The following LDLRAD4 variants were observed in gnomAD, a reference collection of about 807,000 sequenced individuals.
The protein encoded by LDLRAD4 is low-density lipoprotein receptor class A domain-containing protein 4.
A neutral mutation model predicts 17.0 loss-of-function variants in LDLRAD4; 5 were observed. The observed-to-expected ratio is 0.29, with a 90% CI of 0.15 to 0.62. LDLRAD4 has a LOEUF of 0.62. Ranked by LOEUF, LDLRAD4 falls within the 20% of genes least tolerant of loss-of-function variation. The pLI, the probability that LDLRAD4 is intolerant of heterozygous loss-of-function variation, is 0.84. For missense variants in LDLRAD4, 340 were observed against 424.7 expected (o/e 0.80, Z 1.75); for synonymous variants, 168 against 171.8 (o/e 0.98, Z 0.17).
At chr18:13,483,854 C>G (rs1408754549) in intron 3 of LDLRAD4, among the ~76,000 whole-genome samples, 1 of 152,160 alleles carries the variant, frequency 6.6e-6, no homozygotes. Flanking sequence ...TGAGCCCCTC[C>G]TTCCTGGTCC....
chr18:13,502,657 C>G (rs1053156048), intron 3 of LDLRAD4, among the ~76,000 whole-genome samples: 1 of 152,210 alleles, frequency 6.6e-6, no homozygotes, highest in Non-Finnish European at 1.5e-5. Flanking sequence ...CTCACCCACT[C>G]TCAGCTAGCT....
At chr18:13,451,981 C>A (rs761643695) in intron 3 of LDLRAD4, among the ~76,000 whole-genome samples, 4 of 152,158 alleles carry the variant, frequency 2.6e-5, no homozygotes, top group Non-Finnish European at 4.4e-5. Flanking sequence ...TCCACTAGAC[C>A]CTGTCCTCAC....
At chr18:13,224,078 C>A (rs938905593) in intron 1 of LDLRAD4, among the ~76,000 whole-genome samples, 1 of 152,194 alleles carries the variant, frequency 6.6e-6, no homozygotes, top group Admixed American at 6.5e-5. Flanking sequence ...CTGTAGCCCT[C>A]CCTCCCCAAC....
intron 1 of LDLRAD4, among the ~76,000 whole-genome samples, chr18:13,230,723 C>A (rs1430889002): frequency 6.6e-6 from 1 of 152,078 alleles, no homozygotes; most frequent in African/African-American, 2.4e-5. Context: ...GCTTACAGTG[C>A]CTGAAATTTC....
chr18:13,232,121 C>T (rs1346568340), intron 1 of LDLRAD4, among the ~76,000 whole-genome samples: 1 of 152,228 alleles, frequency 6.6e-6, no homozygotes, highest in Non-Finnish European at 1.5e-5. Flanking sequence ...CCTGGTGGGC[C>T]ATGCAGGATG....
intron 3 of LDLRAD4, among the ~76,000 whole-genome samples, chr18:13,609,374 C>T (rs1477775346): frequency 1.3e-5 from 2 of 152,278 alleles, no homozygotes; most frequent in East Asian, 3.9e-4. Context: ...GGAATAAAAA[C>T]AAAACTCAAG....
chr18:13,644,358 G>A (rs2042872869), intron 5 of LDLRAD4, among the ~76,000 whole-genome samples: 1 of 146,118 alleles, frequency 6.8e-6, no homozygotes, highest in Admixed American at 6.9e-5. Context: ...CTTAAGCTCA[G>A]GAGTTCAAGA....
intron 4 of LDLRAD4, among the ~76,000 whole-genome samples, chr18:13,641,455 C>T (rs1243536505): frequency 6.6e-6 from 1 of 152,256 alleles, no homozygotes; most frequent in Non-Finnish European, 1.5e-5. Context: ...ACAGATTAGA[C>T]AGAGATAGAT....
intron 3 of LDLRAD4, among the ~76,000 whole-genome samples, chr18:13,446,474 G>A (rs1030806244): frequency 1.3e-5 from 2 of 152,196 alleles, no homozygotes; most frequent in African/African-American, 4.8e-5. Flanking sequence ...TTGGTTTCAT[G>A]CTGGATTTTC....
At chr18:13,616,940 C>T (rs1253290473) in intron 3 of LDLRAD4, among the ~76,000 whole-genome samples, 2 of 152,210 alleles carry the variant, frequency 1.3e-5, no homozygotes, top group Non-Finnish European at 2.9e-5. Context: ...GGCCGACGCT[C>T]ATCCATGTGC....
intron 4 of LDLRAD4, among the ~76,000 whole-genome samples, chr18:13,635,208 T>A (rs2041974559): frequency 6.6e-6 from 1 of 152,218 alleles, no homozygotes; most frequent in Admixed American, 6.5e-5. Flanking sequence ...AGGTCAGACA[T>A]GAGAGACCAC....
intron 3 of LDLRAD4, chr18:13,519,962 A>G (rs937759976): frequency 6.6e-6 from 1 of 152,246 alleles, no homozygotes; most frequent in African/African-American, 2.4e-5. Context: ...AGTTTAAAAC[A>G]TACTTGGAAT....
intron 3 of LDLRAD4, among the ~76,000 whole-genome samples, chr18:13,562,491 A>G (rs962797502): frequency 5.9e-5 from 9 of 152,230 alleles, no homozygotes; most frequent in Non-Finnish European, 1.3e-4. Flanking sequence ...CTGTGTATAC[A>G]ATGTGATTAT....
At chr18:13,593,659 T>C (rs778180174) in intron 3 of LDLRAD4, among the ~76,000 whole-genome samples, 1 of 152,234 alleles carries the variant, frequency 6.6e-6, no homozygotes, top group Non-Finnish European at 1.5e-5. Context: ...GGGCTTGCTA[T>C]ATGGCGCAGG....
intron 3 of LDLRAD4, among the ~76,000 whole-genome samples, chr18:13,606,441 AT>A (rs1762665282): frequency 6.6e-6 from 1 of 152,158 alleles, no homozygotes; most frequent in Non-Finnish European, 1.5e-5. Context: ...TATTTAATAC[AT>A]TTGTAATCCG....
At chr18:13,441,023 G>A (rs895250632) in intron 3 of LDLRAD4, among the ~76,000 whole-genome samples, 1 of 152,216 alleles carries the variant, frequency 6.6e-6, no homozygotes, top group African/African-American at 2.4e-5. Flanking sequence ...AGACGCTCAC[G>A]GCGCGGGTTG....
intron 1 of LDLRAD4, chr18:13,279,386 C>G (rs1157170256): frequency 6.6e-6 from 1 of 152,228 alleles, no homozygotes; most frequent in Non-Finnish European, 1.5e-5. Flanking sequence ...GCGGCAGCGC[C>G]TCTCTACCAG....
rs1429904811 is a variant in LDLRAD4 at position 13,582,979 on chromosome 18, G to T, written c.182-38138G>T. On this transcript the variant is annotated intron_variant, in intron 3 of 5. Transcript: ENST00000359446. Reference sequence around the variant, plus strand: ...GATCTTCCCACCTCAGCTTCCCAGTGTGCTGGGATTATAGGGGTGAGCCAC... The same window carrying T: ...GATCTTCCCACCTCAGCTTCCCAGTTTGCTGGGATTATAGGGGTGAGCCAC... Among the ~76,000 whole-genome samples the T allele has an allele frequency of 2.6e-5, 4 of 152,314 alleles. No homozygotes were observed. The East Asian group carries it at 7.7e-4, about 29-fold the overall frequency.
At chr18:13,615,470 T>C (rs1012283414) in intron 3 of LDLRAD4, 2 of 152,196 alleles carry the variant, frequency 1.3e-5, no homozygotes, top group African/African-American at 4.8e-5. Context: ...CAACCACACT[T>C]CCCCAGAGCT....
Sources: allele counts gnomAD v4.1 joint callset (sites outside exome capture counted in the v4.1 genomes callset), GRCh38; gene constraint gnomAD v4.1.1; transcripts MANE v1.5; gene names NCBI Gene and HGNC (gene_info 2026-07-23, HGNC 2026-07-21).